The following PPP2R5C variants were observed in gnomAD, a reference collection of about 807,000 sequenced individuals.
The protein encoded by PPP2R5C is serine/threonine-protein phosphatase 2A 56 kDa regulatory subunit gamma isoform.
In PPP2R5C, 7 loss-of-function variants were observed where a neutral mutation model predicts 68.9. The ratio of observed to expected loss-of-function variants is 0.10; its 90% CI spans 0.06 to 0.19. The LOEUF is 0.19. PPP2R5C is among the 10% of genes least tolerant of loss of function. The probability of loss-of-function intolerance (pLI) is 1.00; values close to 1 mark genes in which losing one functional copy is unlikely to be tolerated. For missense variants in PPP2R5C, 348 were observed against 641.3 expected (o/e 0.54, Z 4.94); for synonymous variants, 210 against 222.2 (o/e 0.95, Z 0.49).
intron 2 of PPP2R5C, among the ~76,000 whole-genome samples, chr14:101,864,479 CAAG>C (rs1247817235): frequency 6.6e-6 from 1 of 152,092 alleles, no homozygotes; most frequent in Non-Finnish European, 1.5e-5. Flanking sequence ...GTCTGGGAGA[CAAG>C]AAGAGGCAGC....
At chr14:101,897,047 G>T (rs895786525) in intron 8 of PPP2R5C, among the ~76,000 whole-genome samples, 1 of 152,160 alleles carries the variant, frequency 6.6e-6, no homozygotes, top group African/African-American at 2.4e-5. Context: ...GTGCTACAGA[G>T]CCACGAGCTG....
At chr14:101,895,569 C>G (rs1260939932) in intron 8 of PPP2R5C, among the ~76,000 whole-genome samples, 1 of 152,150 alleles carries the variant, frequency 6.6e-6, no homozygotes, top group Non-Finnish European at 1.5e-5. Flanking sequence ...TCATAAAACG[C>G]TTGTCCTTTC....
rs1012582033 is a variant in PPP2R5C at position 101,906,719 on chromosome 14, A to G, written c.1151+190A>G. 4.4e-6 allele frequency: 3 copies of G among 688,896 alleles called. No homozygotes were observed. In the African/African-American group the frequency reaches 5.5e-5, roughly 13 times the overall value. The allele number at this position is 688,896 out of a possible 1,614,324, so 42.7% of individuals were successfully genotyped here. On this transcript the variant is annotated intron_variant, in intron 10 of 13. Coordinates refer to ENST00000334743, the Ensembl canonical transcript of PPP2R5C. The surrounding 1 kb of genome is among the most constrained non-coding windows in gnomAD (Gnocchi z 4.0). The stretch of plus-strand genomic sequence containing the variant: ...GTGGCCGTTGAATTTACCACCTTAT[A>G]CCTTCATTCCTGCCAGTATAGAGGC...
At chr14:101,778,162 A>G (rs1216308579) in intron 2 of PPP2R5C, among the ~76,000 whole-genome samples, 1 of 152,170 alleles carries the variant, frequency 6.6e-6, no homozygotes, top group Non-Finnish European at 1.5e-5. Flanking sequence ...ACATTTACCT[A>G]ACATCTAAAG....
At chr14:101,801,499 G>C (rs1448059395) in intron 3 of PPP2R5C, among the ~76,000 whole-genome samples, 2 of 152,126 alleles carry the variant, frequency 1.3e-5, no homozygotes, top group Non-Finnish European at 2.9e-5. Flanking sequence ...AAGTATTTCT[G>C]ATGGATATGT....
chr14:101,882,393 C>A lies in PPP2R5C; in HGVS notation c.405+122C>A. ...CTCTCCTCCTCAGTAGCATGGGCCT[C>A]GTAAACCCATATGTACAAGAAAAAT... On this transcript the variant is annotated intron_variant, in intron 3 of 13. Coordinates refer to ENST00000334743, the Ensembl canonical transcript of PPP2R5C. This position sits in a 1 kb window ranked among gnomAD's most constrained non-coding sequence, Gnocchi z 4.9. 1 of 619,584 alleles carries A rather than the reference C, an allele frequency of 1.6e-6. No homozygotes were observed. The allele number at this position is 619,584 out of a possible 1,614,324, so 38.4% of individuals were successfully genotyped here.
At chr14:101,925,569 C>T in exon 14 of PPP2R5C, 1 of 245,096 alleles carries the variant, frequency 4.1e-6, no homozygotes, top group Non-Finnish European at 7.8e-6. Flanking sequence ...AGCACCCTGC[C>T]CTTCATCTTC....
At chr14:101,902,841 G>A (rs1187496615) in intron 9 of PPP2R5C, among the ~76,000 whole-genome samples, 1 of 152,204 alleles carries the variant, frequency 6.6e-6, no homozygotes, top group Non-Finnish European at 1.5e-5. Context: ...TGATAGAAGA[G>A]TAAGAAGCTC....
chr14:101,897,128 A>T (rs1157887886), intron 8 of PPP2R5C, among the ~76,000 whole-genome samples: 2 of 151,910 alleles, frequency 1.3e-5, no homozygotes, highest in Non-Finnish European at 2.9e-5. Context: ...GCCCCTAGAT[A>T]CCTCCGCCTG....
intron 5 of PPP2R5C, among the ~76,000 whole-genome samples, chr14:101,884,915 A>G (rs1443376181): frequency 2.6e-5 from 4 of 152,352 alleles, no homozygotes; most frequent in Non-Finnish European, 5.9e-5. Flanking sequence ...AGTGAATGTC[A>G]ATAGAGGAAA....
At chr14:101,836,600 T>C (rs1047669302) in intron 1 of PPP2R5C, 1 of 519,800 alleles carries the variant, frequency 1.9e-6, no homozygotes, top group Non-Finnish European at 3.4e-6. Flanking sequence ...TGCATTTTTC[T>C]AGGCTAGCAA....
At chr14:101,922,133 A>G in intron 13 of PPP2R5C, 1 of 985,426 alleles carries the variant, frequency 1.0e-6, no homozygotes, top group Non-Finnish European at 1.2e-6. Flanking sequence ...CGTGGACATG[A>G]AGTATTTTCC....
chr14:101,858,174 C>A (rs906107226), intron 2 of PPP2R5C, among the ~76,000 whole-genome samples: 2 of 152,142 alleles, frequency 1.3e-5, no homozygotes, highest in African/African-American at 2.4e-5. Context: ...CTTACCTGTT[C>A]AGACTAATGA....
rs749968022 is a variant in PPP2R5C, at chr14:101,883,248, T to C, written c.406-9T>C. 1 of 1,509,312 alleles carries C rather than the reference T, an allele frequency of 6.6e-7. No individual in the cohort carries two copies. The highest frequency in any genetic ancestry group is 2.3e-5 in the East Asian group (1 of 44,290). 93.5% of individuals were successfully genotyped at this position (1,509,312 alleles called of 1,614,324 possible). A position where few individuals can be genotyped will look rare whatever the true frequency, so the allele number is the denominator to read the frequency against. On this transcript the variant is annotated splice_polypyrimidine_tract_variant and intron_variant, in intron 3 of 13. Transcript: ENST00000334743. Reference sequence around the variant, plus strand: ...ATGTTATTTGACTCATTGTTTTTTTTCCTCCTAGCTTGTTTATGAATTTTT... The same window carrying C: ...ATGTTATTTGACTCATTGTTTTTTTCCCTCCTAGCTTGTTTATGAATTTTT...
intron 1 of PPP2R5C, among the ~76,000 whole-genome samples, chr14:101,826,584 TC>T: frequency 6.6e-6 from 1 of 152,376 alleles, no homozygotes; most frequent in East Asian, 1.9e-4. Context: ...CCTACTTTGT[TC>T]TTTTTTTCAA....
intron 1 of PPP2R5C, chr14:101,820,152 C>T (rs2039964138): frequency 6.6e-6 from 1 of 152,136 alleles, no homozygotes; most frequent in Non-Finnish European, 1.5e-5. Flanking sequence ...AAATATTTGG[C>T]TGATATTTTC....
rs556408551 is a variant in PPP2R5C, at chr14:101,825,544, G to A, written c.94+15508G>A. 3.9e-4 allele frequency among the ~76,000 whole-genome samples: 59 copies of A among 152,298 alleles called. No individual in the cohort carries two copies. In the South Asian group the frequency reaches 0.01, roughly 26 times the overall value. On this transcript the variant is annotated intron_variant, in intron 1 of 13. Coordinates refer to ENST00000334743, the Ensembl canonical transcript of PPP2R5C. The surrounding 1 kb of genome is among the most constrained non-coding windows in gnomAD (Gnocchi z 4.0). ...TCATCGATGAGGGCAACAGAACACA[G>A]CATGCAGGCGGAACTGTGCAGGTCA... is the stretch of plus-strand genomic sequence containing the variant.
rs1410157228 is a variant in PPP2R5C, at chr14:101,768,098, AC to A, written c.93+5132del. ...GACATTCACCAGCATCCCTGGCCTTACCCCTGGATGCCAGTGGCCCACTGCC... is the reference window on the plus strand; with the variant it reads ...GACATTCACCAGCATCCCTGGCCTTACCCTGGATGCCAGTGGCCCACTGCC... On this transcript the variant is annotated intron_variant, in intron 2 of 14. Transcript: ENST00000328724. Among the ~76,000 whole-genome samples the A allele has an allele frequency of 5.3e-5, 8 of 152,074 alleles. 1 individual carries two copies. The South Asian group carries it at 1.5e-3, about 28-fold the overall frequency.
chr14:101,849,571 A>T (rs2042026463), intron 1 of PPP2R5C, among the ~76,000 whole-genome samples: 1 of 123,480 alleles, frequency 8.1e-6, no homozygotes. Flanking sequence ...TATTCTGGAT[A>T]TGAGTCTATT....
Sources: allele counts gnomAD v4.1 joint callset (sites outside exome capture counted in the v4.1 genomes callset), GRCh38; gene constraint gnomAD v4.1.1; non-coding constraint Gnocchi (gnomAD v3.1); transcripts MANE v1.5; gene names NCBI Gene and HGNC (gene_info 2026-07-23, HGNC 2026-07-21).